SLC2A13: variants seen among roughly 807,000 people sequenced by gnomAD.
SLC2A13 encodes proton myo-inositol cotransporter.
In SLC2A13, 32 loss-of-function variants were observed where a neutral mutation model predicts 64.4. The observed-to-expected ratio is 0.50, with a 90% CI of 0.37 to 0.67. SLC2A13 has a LOEUF of 0.67. Among genes scored for constraint, SLC2A13 ranks in the 30% least tolerant of loss-of-function variants. SLC2A13 has a pLI of 0.00. For missense variants in SLC2A13, 743 were observed against 829.2 expected (o/e 0.90, Z 1.28); for synonymous variants, 338 against 327.1 (o/e 1.03, Z -0.36).
At position 39,889,809 on chromosome 12, in the gene SLC2A13, T is replaced by C. The variant is rs979903283; in HGVS notation, c.1035-17848A>G. On this transcript the variant is annotated intron_variant, in intron 4 of 9. Coordinates refer to ENST00000280871, the MANE Select transcript of SLC2A13 (RefSeq NM_052885.4). The stretch of plus-strand genomic sequence containing the variant: ...CCTCCCAAAGTGTTGGGATTACAGG[T>C]GTGAGCCACCAGGCCTGGCCATAAA... Among the ~76,000 whole-genome samples, 24 of 152,242 alleles carry C rather than the reference T, an allele frequency of 1.6e-4. No homozygotes were observed. The South Asian group carries it at 1.9e-3, about 12-fold the overall frequency.
intron 4 of SLC2A13, among the ~76,000 whole-genome samples, chr12:39,896,491 TACAC>T (rs1944902163): frequency 1.3e-5 from 2 of 148,204 alleles, no homozygotes; most frequent in African/African-American, 4.9e-5. Context: ...TGTATATATG[TACAC>T]ATATATGTAT....
intron 5 of SLC2A13, among the ~76,000 whole-genome samples, chr12:39,869,113 A>G (rs1490611117): frequency 6.6e-6 from 1 of 152,220 alleles, no homozygotes; most frequent in African/African-American, 2.4e-5. Flanking sequence ...TAAAATGTCA[A>G]GTATATATCT....
At chr12:39,921,433 T>A (rs747398026) in intron 4 of SLC2A13, among the ~76,000 whole-genome samples, 3 of 152,052 alleles carry the variant, frequency 2.0e-5, no homozygotes, top group African/African-American at 7.3e-5. Context: ...TTTAAGAGGA[T>A]AGCAGGGTGG....
At chr12:39,920,106 T>A (rs1298563817) in intron 4 of SLC2A13, among the ~76,000 whole-genome samples, 2 of 152,106 alleles carry the variant, frequency 1.3e-5, no homozygotes, top group African/African-American at 4.8e-5. Flanking sequence ...ACATGCCTCA[T>A]CATTCAAGAC....
intron 7 of SLC2A13, among the ~76,000 whole-genome samples, chr12:39,820,673 T>G (rs1942467572): frequency 1.1e-5 from 1 of 91,922 alleles, no homozygotes; most frequent in Non-Finnish European, 2.3e-5. Flanking sequence ...CTCTTCTTTC[T>G]GTGACCTAGC....
rs149391266 is a variant in SLC2A13, at chr12:40,102,932, G to A, written c.556+2321C>T. Among the ~76,000 whole-genome samples, 105 of 152,196 alleles carry A rather than the reference G, an allele frequency of 6.9e-4. No individual in the cohort carries two copies. The East Asian group carries it at 7.9e-3, about 11-fold the overall frequency. ...TCATTACTGTTTTGTTTTGAATGCG[G>A]CCTATTTCAAAGCCTGTTTATGATC... On this transcript the variant is annotated intron_variant, in intron 1 of 9. Transcript: ENST00000280871.
At chr12:40,025,960 A>T (rs762331880) in intron 3 of SLC2A13, among the ~76,000 whole-genome samples, 4 of 152,238 alleles carry the variant, frequency 2.6e-5, no homozygotes, top group Non-Finnish European at 5.9e-5. Context: ...AAACTGACCC[A>T]GAGTCTTGCT....
intron 6 of SLC2A13, among the ~76,000 whole-genome samples, chr12:39,848,636 G>A (rs1943384624): frequency 6.6e-6 from 1 of 152,226 alleles, no homozygotes; most frequent in South Asian, 2.1e-4. Context: ...AGAGCTAAAA[G>A]CAGAACTACC....
intron 3 of SLC2A13, among the ~76,000 whole-genome samples, chr12:39,966,321 G>A (rs370509741): frequency 1.1e-4 from 17 of 151,918 alleles, no homozygotes; most frequent in East Asian, 7.7e-4. Flanking sequence ...TCTCCACCCC[G>A]ATTTTGATAA....
rs1940892088 is a variant in SLC2A13, at chr12:39,779,336, C to T, written c.1446-14478G>A. Among the ~76,000 whole-genome samples the T allele has an allele frequency of 2.6e-5, 4 of 152,162 alleles. No individual in the cohort carries two copies. In the South Asian group the frequency reaches 8.3e-4, roughly 31 times the overall value. On this transcript the variant is annotated intron_variant, in intron 7 of 9. Transcript: ENST00000280871. ...CTGATTGCAGCATCCTCCCCAAGTT[C>T]CAATTGAGAGAACTGATGTTTTTCT...
At chr12:39,900,920 G>A (rs866914679) in intron 4 of SLC2A13, among the ~76,000 whole-genome samples, 14 of 152,142 alleles carry the variant, frequency 9.2e-5, no homozygotes, top group Middle Eastern at 3.4e-3. Context: ...GAGGCATCAC[G>A]CTACCTGACT....
chr12:39,769,762 C>G (rs1940495893), intron 7 of SLC2A13, among the ~76,000 whole-genome samples: 1 of 148,782 alleles, frequency 6.7e-6, no homozygotes, highest in African/African-American at 2.4e-5. Context: ...TGTTCAACTC[C>G]TCTCATATTA....
chr12:39,870,885 A>T (rs7961625), intron 5 of SLC2A13, among the ~76,000 whole-genome samples: 93,483 of 152,034 alleles, frequency 0.61, 28,951 homozygotes, highest in East Asian at 0.76. Context: ...GTATTTTCTC[A>T]TCAAATATGG....
Position 39,837,259 on chromosome 12 carries a change from AATG to A in SLC2A13, c.1320-7034_1320-7032del, listed in dbSNP as rs1313479565. ...TGGGGAAAGGATTCCCTATTTAATA[AATG>A]GTGCTGGGAAAACTGGCTAGCCATA... is the stretch of plus-strand genomic sequence containing the variant. On this transcript the variant is annotated intron_variant, in intron 6 of 9. Transcript: ENST00000280871. Among the ~76,000 whole-genome samples, 4 of 150,822 alleles carry A rather than the reference AATG, an allele frequency of 2.7e-5. No homozygotes were observed. In the East Asian group the frequency reaches 7.8e-4, roughly 29 times the overall value.
rs1362414796 is a variant in SLC2A13, at chr12:39,956,531, AG to A, written c.926-5167del. 5.9e-5 allele frequency among the ~76,000 whole-genome samples: 9 copies of A among 152,232 alleles called. No individual in the cohort carries two copies. In the East Asian group the frequency reaches 1.7e-3, roughly 29 times the overall value. ...CAATAATCTAGAGACTTTAGATGTC[AG>A]GAAGGCTGACATGGTGAACTGGATA... On this transcript the variant is annotated intron_variant, in intron 3 of 9. Coordinates refer to ENST00000280871, the MANE Select transcript of SLC2A13 (RefSeq NM_052885.4).
intron 6 of SLC2A13, among the ~76,000 whole-genome samples, chr12:39,854,032 T>C (rs1196798249): frequency 6.6e-6 from 1 of 152,060 alleles, no homozygotes; most frequent in East Asian, 1.9e-4. Flanking sequence ...CTCTTCTCTT[T>C]GCTTCTTGGG....
At chr12:39,995,728 T>C (rs1947216466) in intron 3 of SLC2A13, among the ~76,000 whole-genome samples, 1 of 152,192 alleles carries the variant, frequency 6.6e-6, no homozygotes, top group South Asian at 2.1e-4. Flanking sequence ...GGGAGGGACC[T>C]GGTGAGAGGT....
intron 7 of SLC2A13, among the ~76,000 whole-genome samples, chr12:39,828,437 T>C (rs2135843961): frequency 6.6e-6 from 1 of 152,264 alleles, no homozygotes; most frequent in South Asian, 2.1e-4. Context: ...AGTGAGTTGT[T>C]GAATTAATTT....
At chr12:39,797,416 T>C (rs996590541) in intron 7 of SLC2A13, among the ~76,000 whole-genome samples, 1 of 152,212 alleles carries the variant, frequency 6.6e-6, no homozygotes, top group Non-Finnish European at 1.5e-5. Flanking sequence ...ATTTATATGT[T>C]GGTTCTCTAG....
Sources: gnomAD v4.1 joint callset for allele counts (sites outside exome capture counted in the v4.1 genomes callset) on GRCh38, gnomAD v4.1.1 for gene constraint, MANE v1.5 for transcripts, NCBI Gene and HGNC (gene_info 2026-07-23, HGNC 2026-07-21) for gene names.